Variants in TSPAN2 observed in about 807,000 individuals in gnomAD.
TSPAN2 encodes tetraspanin 2.
TSPAN2 carries 24 observed loss-of-function variants against 33.3 expected under a neutral mutation model. The ratio of observed to expected loss-of-function variants is 0.72; its 90% CI spans 0.52 to 1.01. TSPAN2 has a LOEUF of 1.01. Among genes scored for constraint, TSPAN2 ranks in the 50% least tolerant of loss-of-function variants. The probability of loss-of-function intolerance (pLI) is 0.00; values close to 1 mark genes in which losing one functional copy is unlikely to be tolerated. For missense variants in TSPAN2, 278 were observed against 281.3 expected, an observed-to-expected ratio of 0.99 and a Z score of 0.08; for synonymous variants, 114 against 104.5, an observed-to-expected ratio of 1.09 and a Z score of -0.56.
chr1:115,084,035 T>G lies in TSPAN2; in HGVS notation c.69+5329A>C, dbSNP rs148948249. On this transcript the variant is annotated intron_variant, in intron 1 of 7. Coordinates refer to ENST00000369516, the MANE Select transcript of TSPAN2 (RefSeq NM_005725.6). ...GAAGTGATCTCTCCTTTTGACTCCATGCCCTTGATAAACTCCAAGCCTCTT... is the reference window on the plus strand; with the variant it reads ...GAAGTGATCTCTCCTTTTGACTCCAGGCCCTTGATAAACTCCAAGCCTCTT... Among the ~76,000 whole-genome samples the G allele has an allele frequency of 4.3e-3, 648 of 152,308 alleles. 8 individuals are homozygous for G. The highest frequency in any genetic ancestry group is 0.015 in the African/African-American group (614 of 41,566).
At position 115,089,452 on chromosome 1, in the gene TSPAN2, A is replaced by T; in HGVS notation, c.-20T>A. ...CCCCATGCTGCGGCCCGGCGGCGGG[A>T]TCCCCAGTCCCCAGGCCCGCGCTAC... On this transcript the variant is annotated 5_prime_UTR_variant, in exon 1 of 8. Transcript: ENST00000369516. The T allele has an allele frequency of 6.5e-7, 1 of 1,542,476 alleles. No individual in the cohort carries two copies. The highest frequency in any genetic ancestry group is 1.2e-5 in the South Asian group (1 of 83,772).
At chr1:115,077,538 TC>T (rs1465845276) in intron 1 of TSPAN2, among the ~76,000 whole-genome samples, 1 of 152,170 alleles carries the variant, frequency 6.6e-6, no homozygotes, top group Admixed American at 6.5e-5. Flanking sequence ...CAATGTGTGT[TC>T]TAAAACTCAA....
At position 115,086,147 on chromosome 1, in the gene TSPAN2, A is replaced by G. The variant is rs796827198; in HGVS notation, c.69+3217T>C. 2.1e-4 allele frequency among the ~76,000 whole-genome samples: 32 copies of G among 152,316 alleles called. 1 individual carries two copies. The highest frequency in any genetic ancestry group is 7.5e-4 in the African/African-American group (31 of 41,576). Reference sequence around the variant, plus strand: ...CTATGTGCCGATAACAAAAATAATAATTAATATTTTTGAGCATTTACTATG... The same window carrying G: ...CTATGTGCCGATAACAAAAATAATAGTTAATATTTTTGAGCATTTACTATG... On this transcript the variant is annotated intron_variant, in intron 1 of 7. Transcript: ENST00000369516.
intron 2 of TSPAN2, among the ~76,000 whole-genome samples, chr1:115,063,878 G>A (rs1213861218): frequency 6.6e-6 from 1 of 152,038 alleles, no homozygotes; most frequent in Non-Finnish European, 1.5e-5. Context: ...ACATAAAGAT[G>A]GGAATGATAG....
Position 115,049,616 on chromosome 1 carries a change from A to C in TSPAN2, c.*874T>G, listed in dbSNP as rs1675254699. The C allele has an allele frequency of 6.6e-6, 1 of 152,598 alleles. No homozygotes were observed. The highest frequency in any genetic ancestry group is 2.4e-5 in the African/African-American group (1 of 41,452). The allele number at this position is 152,598 out of a possible 1,614,324, so 9.5% of individuals were successfully genotyped here. The stretch of plus-strand genomic sequence containing the variant: ...TTTTTCCTTATATTTGGAGAAACAG[A>C]AGAGTTTGACATAAAAGTCCCTTTG... On this transcript the variant is annotated 3_prime_UTR_variant, in exon 8 of 8. Coordinates refer to ENST00000369516, the MANE Select transcript of TSPAN2 (RefSeq NM_005725.6).
At chr1:115,055,595 C>T (rs1647381000) in intron 6 of TSPAN2, among the ~76,000 whole-genome samples, 1 of 152,054 alleles carries the variant, frequency 6.6e-6, no homozygotes, top group African/African-American at 2.4e-5. Context: ...GCGATCTCGG[C>T]TCACTGCAAC....
At chr1:115,053,970 C>A (rs2101021835) in intron 6 of TSPAN2, among the ~76,000 whole-genome samples, 2 of 152,252 alleles carry the variant, frequency 1.3e-5, no homozygotes, top group South Asian at 4.1e-4. Flanking sequence ...TTAGAAAAGC[C>A]AAGTCTTGGA....
At chr1:115,084,145 T>C (rs1230746121) in intron 1 of TSPAN2, among the ~76,000 whole-genome samples, 3 of 152,238 alleles carry the variant, frequency 2.0e-5, no homozygotes, top group African/African-American at 7.2e-5. Flanking sequence ...GATTCTACTT[T>C]CCCATTTGTA....
intron 2 of TSPAN2, among the ~76,000 whole-genome samples, chr1:115,070,237 T>C (rs1648113781): frequency 1.3e-5 from 2 of 152,204 alleles, no homozygotes; most frequent in South Asian, 4.1e-4. Context: ...TGATTTCTTC[T>C]GTCCCTGAGT....
rs1675241019 is a variant in TSPAN2, at chr1:115,049,134, A to G, written c.*1356T>C. ...AAAAATCTATGGTTTACTAAATGTA[A>G]CACGTTAAAAATCACTGAAAAATTT... On this transcript the variant is annotated 3_prime_UTR_variant, in exon 8 of 8. Transcript: ENST00000369516. 1 of 152,158 alleles carries G rather than the reference A, an allele frequency of 6.6e-6. No individual in the cohort carries two copies. Among genetic ancestry groups the G allele is most frequent in the African/African-American group, 2.4e-5 (1 of 41,454 alleles). 9.4% of individuals were successfully genotyped at this position (152,158 alleles called of 1,614,324 possible). A position where few individuals can be genotyped will look rare whatever the true frequency, so the allele number is the denominator to read the frequency against.
intron 7 of TSPAN2, 121 bp downstream of exon 7, chr1:115,053,258 A>C (rs1647258196): frequency 2.5e-6 from 2 of 795,284 alleles, no homozygotes; most frequent in Non-Finnish European, 4.1e-6. Context: ...CATTGTGAAC[A>C]AAGGTCTTTT....
chr1:115,088,779 G>GGGTA (rs140480511), intron 1 of TSPAN2, among the ~76,000 whole-genome samples: 32,690 of 151,792 alleles, frequency 0.22, 4,062 homozygotes, highest in Non-Finnish European at 0.28. Context: ...TCTCACCCAG[G>GGGTA]GGTACTCTTA....
intron 1 of TSPAN2, among the ~76,000 whole-genome samples, chr1:115,074,371 G>T (rs1346716495): frequency 6.6e-6 from 1 of 152,142 alleles, no homozygotes; most frequent in African/African-American, 2.4e-5. Flanking sequence ...AATCCCCTTT[G>T]TGGCCAGCTT....
At chr1:115,065,887 C>T (rs535692918) in intron 2 of TSPAN2, among the ~76,000 whole-genome samples, 3 of 152,292 alleles carry the variant, frequency 2.0e-5, no homozygotes, top group South Asian at 4.1e-4. Context: ...TAAGCAGCTT[C>T]TCTTTATCTC....
chr1:115,072,878 G>A (rs1480536191), intron 2 of TSPAN2, 27 bp downstream of exon 2: 1 of 1,569,714 alleles, frequency 6.4e-7, no homozygotes, highest in Non-Finnish European at 8.8e-7. Flanking sequence ...ACTCTGAGCT[G>A]GAGCTTAGGA....
In TSPAN2 at chr1:115,050,293, C is replaced by G. The variant is rs145969426; in HGVS notation, c.*197G>C. Reference sequence around the variant, plus strand: ...CACGCAGATCACACATGAATATGCTCTCAGTCATCATAAACAGGCATTCAC... The same window carrying G: ...CACGCAGATCACACATGAATATGCTGTCAGTCATCATAAACAGGCATTCAC... On this transcript the variant is annotated 3_prime_UTR_variant, in exon 8 of 8. Transcript: ENST00000369516. 1.3e-4 allele frequency: 84 copies of G among 627,828 alleles called. 1 individual carries two copies. The South Asian group carries it at 1.5e-3, about 11-fold the overall frequency. The allele number at this position is 627,828 out of a possible 1,614,324, so 38.9% of individuals were successfully genotyped here. A position where few individuals can be genotyped will look rare whatever the true frequency, so the allele number is the denominator to read the frequency against.
At chr1:115,071,470 G>A (rs1648174655) in intron 2 of TSPAN2, among the ~76,000 whole-genome samples, 1 of 152,168 alleles carries the variant, frequency 6.6e-6, no homozygotes. Flanking sequence ...CTGGGCCTTT[G>A]ATGACTTTGT....
Position 115,048,608 on chromosome 1 carries a change from T to C in TSPAN2, c.*1882A>G, listed in dbSNP as rs1458969155. Reference sequence around the variant, plus strand: ...CTCACTTTTGTGGAATCAGAGATGATTCTGAGTTGGAAAGAACCCGAGTAT... The same window carrying C: ...CTCACTTTTGTGGAATCAGAGATGACTCTGAGTTGGAAAGAACCCGAGTAT... On this transcript the variant is annotated 3_prime_UTR_variant, in exon 8 of 8. Transcript: ENST00000369516. 1 of 152,172 alleles carries C rather than the reference T, an allele frequency of 6.6e-6. No individual in the cohort carries two copies. The highest frequency in any genetic ancestry group is 1.5e-5 in the Non-Finnish European group (1 of 67,944). 9.4% of individuals were successfully genotyped at this position (152,172 alleles called of 1,614,324 possible).
chr1:115,061,363 G>A (rs756123682), intron 3 of TSPAN2, among the ~76,000 whole-genome samples: 5 of 152,228 alleles, frequency 3.3e-5, no homozygotes, highest in African/African-American at 4.8e-5. Flanking sequence ...GACATAGAAT[G>A]TATAGCAGTT....
Sources: allele counts gnomAD v4.1 joint callset (sites outside exome capture counted in the v4.1 genomes callset), GRCh38; gene constraint gnomAD v4.1.1; transcripts MANE v1.5; gene names NCBI Gene and HGNC (gene_info 2026-07-23, HGNC 2026-07-21).